FAT2: variants seen among roughly 807,000 people sequenced by gnomAD.
FAT2 encodes the protein protocadherin Fat 2.
In FAT2, 150 loss-of-function variants were observed where a neutral mutation model predicts 295.3. The ratio of observed to expected loss-of-function variants is 0.51; its 90% CI spans 0.44 to 0.58. The LOEUF (loss-of-function observed/expected upper bound fraction) is 0.58. FAT2 is among the 20% of genes least tolerant of loss of function. The pLI, the probability that FAT2 is intolerant of heterozygous loss-of-function variation, is 0.00. For missense variants in FAT2, 4,868 were observed against 5,442.7 expected (o/e 0.89, Z 3.32); for synonymous variants, 2,026 against 2,150.3 (o/e 0.94, Z 1.60).
Position 151,543,326 on chromosome 5 carries a change from C to T in FAT2, c.7801G>A (p.Asp2601Asn), listed in dbSNP as rs746221924. ...TVSIQSNVSK[D>N]SPVIQVLAYD... Reference sequence around the variant, plus strand: ...GCCAACACCTGGATAACCGGAGAGTCTTTACTGACATTGGATTGAATGGAT... The same window carrying T: ...GCCAACACCTGGATAACCGGAGAGTTTTTACTGACATTGGATTGAATGGAT... The change falls in exon 10 of 24, where the codon GAC becomes AAC. Residue 2601 changes from aspartate to asparagine, a missense_variant. Asp to Asn is a conservative substitution (Grantham distance 23, BLOSUM62 1). Around this residue, in one of 5 missense-constraint regions of FAT2, gnomAD observed 3,297 missense variants for 3,669.4 expected, o/e 0.90. Coordinates refer to ENST00000261800, the MANE Select transcript of FAT2 (RefSeq NM_001447.3). 5 of 1,614,178 alleles carry T rather than the reference C, an allele frequency of 3.1e-6. No individual in the cohort carries two copies. The highest frequency in any genetic ancestry group is 4.2e-6 in the Non-Finnish European group (5 of 1,180,030).
chr5:151,568,346 T>C lies in FAT2; in HGVS notation c.586A>G (p.Ile196Val). 1.2e-6 allele frequency: 2 copies of C among 1,614,188 alleles called. No homozygotes were observed. The highest frequency in any genetic ancestry group is 1.7e-6 in the Non-Finnish European group (2 of 1,180,022). ...GTGACCACACCGCTGGTGGGATGGA[T>C]GGCAAACATCTCTGACCTTGTGTTA... ...AFNTRSEMFA[I>V]HPTSGVVTVA... is the part of the protein sequence containing the mutation. The change falls in exon 2 of 24, where the codon ATC (isoleucine) becomes GTC (valine). Residue 196 changes from isoleucine (I) to valine (V), a missense_variant. By Grantham distance (29) the Ile-to-Val change is conservative. This residue lies in a region of FAT2 where 3,297 missense variants were observed against 3,669.4 expected (regional missense o/e 0.90). Coordinates refer to ENST00000261800, the MANE Select transcript of FAT2 (RefSeq NM_001447.3).
Position 151,568,680 on chromosome 5 carries a change from A to C in FAT2, c.252T>G (p.Thr84=), listed in dbSNP as rs1375161671. The change falls in exon 2 of 24, where the codon ACT becomes ACG. Residue 84 remains threonine, a synonymous_variant. Coordinates refer to ENST00000261800, the MANE Select transcript of FAT2 (RefSeq NM_001447.3). ...AGAAGTTGCCCACCACATACTCCTCAGTTTTAAATACATTGGCCACATCCC... is the reference window on the plus strand; with the variant it reads ...AGAAGTTGCCCACCACATACTCCTCCGTTTTAAATACATTGGCCACATCCC... ...ISGDVANVFK[T]EEYVVGNFCF... The C allele has an allele frequency of 6.2e-7, 1 of 1,614,028 alleles. No individual in the cohort carries two copies. The highest frequency in any genetic ancestry group is 1.3e-5 in the African/African-American group (1 of 74,896).
intron 8 of FAT2, 77 bp from the exon 9 acceptor site, chr5:151,549,582 C>G: frequency 8.2e-7 from 1 of 1,225,656 alleles, no homozygotes; most frequent in Non-Finnish European, 1.2e-6. Flanking sequence ...GGTTAATGAA[C>G]TAGAATGCCA....
At position 151,545,510 on chromosome 5, in the gene FAT2, A is replaced by T. The variant is rs1440183443; in HGVS notation, c.5617T>A (p.Ser1873Thr). 6.2e-7 allele frequency: 1 copy of T among 1,614,114 alleles called. No homozygotes were observed. ...RDVNDSPPRF[S>T]EQIYEVAIVG... Reference sequence around the variant, plus strand: ...ATTGCTACCTCATATATCTGTTCTGAGAATCTGGGAGGGGAATCATTCACA... The same window carrying T: ...ATTGCTACCTCATATATCTGTTCTGTGAATCTGGGAGGGGAATCATTCACA... Residue 1873 changes from serine to threonine, a missense_variant, in exon 10 of 24, where the codon TCA becomes ACA. Transcript: ENST00000261800.
rs564318362 is a variant in FAT2, at chr5:151,549,713, T to G, written c.4579-208A>C. Reference sequence around the variant, plus strand: ...GTCAATGATTCCTAGGCTCAGCTGTTTTAATGGATAATTCTATTTTAGGAG... The same window carrying G: ...GTCAATGATTCCTAGGCTCAGCTGTGTTAATGGATAATTCTATTTTAGGAG... On this transcript the variant is annotated intron_variant, in intron 8 of 23. Coordinates refer to ENST00000261800, the MANE Select transcript of FAT2 (RefSeq NM_001447.3). Among the ~76,000 whole-genome samples the G allele has an allele frequency of 5.0e-3, 755 of 152,350 alleles. 7 individuals are homozygous for G. Among genetic ancestry groups the G allele is most frequent in the African/African-American group, 0.018 (735 of 41,584 alleles).
chr5:151,571,016 A>G (rs1301341402), intron 1 of FAT2, among the ~76,000 whole-genome samples: 1 of 152,076 alleles, frequency 6.6e-6, no homozygotes, highest in East Asian at 1.9e-4. Context: ...AACTCCTGAG[A>G]TTCTGTTGGT....
rs953858136 is a variant in FAT2 at position 151,537,278 on chromosome 5, G to T, written c.9193+515C>A. The stretch of plus-strand genomic sequence containing the variant: ...ATAATAAGAAGACGATGGTGGTGGT[G>T]GAGGAGGAGGAGGAGGAGGGAGAGA... On this transcript the variant is annotated intron_variant, in intron 12 of 23. Transcript: ENST00000261800. Among the ~76,000 whole-genome samples, 172 of 148,224 alleles carry T rather than the reference G, an allele frequency of 1.2e-3. 1 individual carries two copies. The highest frequency in any genetic ancestry group is 7.4e-3 in the Middle Eastern group (2 of 272).
intron 19 of FAT2, among the ~76,000 whole-genome samples, chr5:151,519,451 T>C (rs534945930): frequency 6.6e-6 from 1 of 152,306 alleles, no homozygotes; most frequent in South Asian, 2.1e-4. Context: ...AGATCAGAAA[T>C]TCCCACCCCG....
Position 151,543,935 on chromosome 5 carries a change from C to T in FAT2, c.7192G>A (p.Val2398Ile). Reference protein sequence around the residue: ...VSELATCGHLVLKVQAIDPDS... With the variant: ...VSELATCGHLILKVQAIDPDS... ...GGGTCAATAGCCTGGACTTTAAGAA[C>T]CAGGTGTCCACAGGTTGCCAGTTCA... Residue 2398 changes from valine (V) to isoleucine (I), a missense_variant, in exon 10 of 24, where the codon GTT becomes ATT. Transcript: ENST00000261800. The T allele has an allele frequency of 6.2e-7, 1 of 1,614,160 alleles. No homozygotes were observed. The highest frequency in any genetic ancestry group is 8.5e-7 in the Non-Finnish European group (1 of 1,180,044).
At position 151,507,583 on chromosome 5, in the gene FAT2, C is replaced by T. The variant is rs760094674; in HGVS notation, c.12088G>A (p.Glu4030Lys). The change falls in exon 23 of 24, where the codon GAA becomes AAA. Residue 4030 changes from glutamate to lysine, a missense_variant. By Grantham distance (56) the Glu-to-Lys change is moderately conservative. Coordinates refer to ENST00000261800, the MANE Select transcript of FAT2 (RefSeq NM_001447.3). ...TCGGGAGTGACTAGGCAGTGTCCTT[C>T]TGAACAACCCCTCGCCTCCATTTCA... ...RCEMEARGCS[E>K]GHCLVTPEIQ... is the part of the protein sequence containing the mutation. 1 of 1,611,626 alleles carries T rather than the reference C, an allele frequency of 6.2e-7. No individual in the cohort carries two copies. Among genetic ancestry groups the T allele is most frequent in the Non-Finnish European group, 8.5e-7 (1 of 1,179,388 alleles).
In FAT2 at chr5:151,513,424, TGA is replaced by T. The variant is rs368049869; in HGVS notation, c.11464-820_11464-819del. ...ACAACCATTCAGCCATAAAAAAGAATGAGATTATGTCCTTTGCAGCAACATGG... is the reference window on the plus strand; with the variant it reads ...ACAACCATTCAGCCATAAAAAAGAATGATTATGTCCTTTGCAGCAACATGG... On this transcript the variant is annotated intron_variant, in intron 20 of 23. Transcript: ENST00000261800. 1.2e-3 allele frequency among the ~76,000 whole-genome samples: 178 copies of T among 152,256 alleles called. 1 individual carries two copies. Among genetic ancestry groups the T allele is most frequent in the African/African-American group, 4.1e-3 (169 of 41,534 alleles).
In FAT2 at chr5:151,545,306, T is replaced by C. The variant is rs777047128; in HGVS notation, c.5821A>G (p.Ile1941Val). The C allele has an allele frequency of 1.4e-5, 22 of 1,614,050 alleles. No homozygotes were observed. Among genetic ancestry groups the C allele is most frequent in the African/African-American group, 1.3e-4 (10 of 74,922 alleles). The change falls in exon 10 of 24, where the codon ATC (isoleucine) becomes GTC (valine). Residue 1941 changes from isoleucine to valine, a missense_variant. Ile to Val is a conservative substitution (Grantham distance 29, BLOSUM62 3). Coordinates refer to ENST00000261800, the MANE Select transcript of FAT2 (RefSeq NM_001447.3). Reference sequence around the variant, plus strand: ...TGATACAAGCCATCAGAAGCCCTGATGGTGAGCTTCCGAGAGAGTCCCAGG... The same window carrying C: ...TGATACAAGCCATCAGAAGCCCTGACGGTGAGCTTCCGAGAGAGTCCCAGG... Reference protein sequence around the residue: ...AFLGLSRKLTIRASDGLYQDT... With the variant: ...AFLGLSRKLTVRASDGLYQDT...
intron 13 of FAT2, among the ~76,000 whole-genome samples, chr5:151,532,619 C>T (rs551328872): frequency 2.8e-4 from 42 of 152,350 alleles, no homozygotes; most frequent in African/African-American, 9.4e-4. Context: ...TCTATAATTA[C>T]GTCAACATAA....
intron 22 of FAT2, among the ~76,000 whole-genome samples, chr5:151,509,246 T>C: frequency 6.6e-6 from 1 of 152,216 alleles, no homozygotes; most frequent in East Asian, 1.9e-4. Context: ...AGGAGCTGGT[T>C]AAATGTACAG....
At chr5:151,557,129 G>A (rs929964576) in intron 3 of FAT2, among the ~76,000 whole-genome samples, 5 of 152,160 alleles carry the variant, frequency 3.3e-5, no homozygotes, top group African/African-American at 4.8e-5. Flanking sequence ...TGGTGCACAA[G>A]GGTCAATGTC....
At chr5:151,574,360 C>A (rs554413793) in intron 1 of FAT2, among the ~76,000 whole-genome samples, 107 of 152,298 alleles carry the variant, frequency 7.0e-4, no homozygotes, top group African/African-American at 2.5e-3. Flanking sequence ...CCCAGGTGTT[C>A]AGTGCTAAGA....
intron 22 of FAT2, 88 bp from the exon 23 acceptor site, chr5:151,507,699 T>TC (rs1424987982): frequency 4.8e-6 from 6 of 1,247,928 alleles, no homozygotes; most frequent in South Asian, 1.6e-5. Context: ...TAGAGACTGC[T>TC]CCCCCCAAAA....
Position 151,525,833 on chromosome 5 carries a change from C to A in FAT2, c.10441G>T (p.Gly3481Ter). The change falls in exon 18 of 24, where the codon GGA (glycine) becomes TGA (stop). Residue 3481 changes from glycine (G) to a stop codon, truncating the protein, a stop_gained. Coordinates refer to ENST00000261800, the MANE Select transcript of FAT2 (RefSeq NM_001447.3). LOFTEE classifies it high-confidence loss of function. ...AGGCCCTCAGCAGTCACCAGCCATC[C>A]ATCCGGGGTCACTCGGAAGGCAGAG... ...NGSAFRVTPD[G>*]WLVTAEGLSR... The A allele has an allele frequency of 6.2e-7, 1 of 1,614,156 alleles. No individual in the cohort carries two copies. The highest frequency in any genetic ancestry group is 2.2e-5 in the East Asian group (1 of 44,884).
chr5:151,548,669 C>T (rs554235369), intron 9 of FAT2, among the ~76,000 whole-genome samples: 6 of 152,172 alleles, frequency 3.9e-5, no homozygotes, highest in African/African-American at 7.2e-5. Context: ...TTAGTAGAGA[C>T]GGAGTTTCAC....
Sources: gnomAD v4.1 joint callset for allele counts (sites outside exome capture counted in the v4.1 genomes callset) on GRCh38, gnomAD v4.1.1 for gene constraint, gnomAD v4.1.1 regional missense constraint, MANE v1.5 for transcripts, NCBI Gene and HGNC (gene_info 2026-07-23, HGNC 2026-07-21) for gene names.